EPHA5: variants seen among roughly 807,000 people sequenced by gnomAD.
The protein encoded by EPHA5 is ephrin type-A receptor 5.
In EPHA5, 60 loss-of-function variants were observed where a neutral mutation model predicts 105.0. The observed-to-expected ratio is 0.57, with a 90% CI of 0.46 to 0.71. The LOEUF is 0.71. Among genes scored for constraint, EPHA5 ranks in the 30% least tolerant of loss-of-function variants. EPHA5 has a pLI of 0.00. For synonymous variants in EPHA5, 513 were observed against 449.1 expected, an observed-to-expected ratio of 1.14 and a Z score of -1.80; for missense variants, 1,218 against 1,274.7, an observed-to-expected ratio of 0.96 and a Z score of 0.68.
intron 5 of EPHA5, among the ~76,000 whole-genome samples, chr4:65,465,507 G>GAAAC (rs1321742015): frequency 1.0e-5 from 1 of 98,506 alleles, no homozygotes; most frequent in African/African-American, 3.8e-5. Context: ...AAGAAAGAAA[G>GAAAC]AAAGAAAGAA....
At chr4:65,519,776 C>A (rs1438925290) in intron 3 of EPHA5, among the ~76,000 whole-genome samples, 4 of 151,840 alleles carry the variant, frequency 2.6e-5, no homozygotes, top group Admixed American at 2.0e-4. Context: ...GTCCATTCAC[C>A]ATTGCTTCAA....
chr4:65,488,329 A>T (rs1177697820), intron 5 of EPHA5, among the ~76,000 whole-genome samples: 1 of 152,240 alleles, frequency 6.6e-6, no homozygotes, highest in Non-Finnish European at 1.5e-5. Flanking sequence ...CAAGCTGGAA[A>T]ATGTACTTCT....
rs2148991299 is a variant in EPHA5 at position 65,404,454 on chromosome 4, G to T, written c.1713C>A (p.Ser571Arg). 1 of 1,613,686 alleles carries T rather than the reference G, an allele frequency of 6.2e-7. No individual in the cohort carries two copies. The highest frequency in any genetic ancestry group is 8.5e-7 in the Non-Finnish European group (1 of 1,179,744). The change falls in exon 8 of 17, where the codon AGC (serine) becomes AGA (arginine). Residue 571 changes from serine (S) to arginine (R), a missense_variant. Around this residue, in one of 3 missense-constraint regions of EPHA5, gnomAD observed 971 missense variants for 1,013.5 expected, o/e 0.96. Coordinates refer to ENST00000613740, the MANE Select transcript of EPHA5 (RefSeq NM_001281766.3). ...PVSVAASSDQ[S>R]QIPVIAVSVT... ...CAGACACAGCAATTACAGGAATCTG[G>T]CTTTGATCGCTGGATGCTGCAACTG... is the stretch of plus-strand genomic sequence containing the variant.
intron 2 of EPHA5, among the ~76,000 whole-genome samples, chr4:65,633,935 AAC>A (rs1463720608): frequency 1.3e-5 from 2 of 152,134 alleles, no homozygotes; most frequent in African/African-American, 4.8e-5. Context: ...AAGTGTGGAT[AAC>A]ACACCTGTAC....
intron 1 of EPHA5, among the ~76,000 whole-genome samples, chr4:65,647,931 A>G (rs1044378580): frequency 8.5e-5 from 13 of 152,194 alleles, no homozygotes; most frequent in African/African-American, 4.8e-5. Flanking sequence ...CTTTTTAATA[A>G]GGAAAAGTCA....
chr4:65,321,909 G>A lies in EPHA5; in HGVS notation c.*2205C>T, dbSNP rs4860650. ...AAGGCTTTCATTCTGAAGTTTCTCAGTTGTTACTTTATCACTTAGATTGGA... is the reference window on the plus strand; with the variant it reads ...AAGGCTTTCATTCTGAAGTTTCTCAATTGTTACTTTATCACTTAGATTGGA... On this transcript the variant is annotated 3_prime_UTR_variant, in exon 17 of 17. Transcript: ENST00000613740. The A allele has an allele frequency of 0.93, 210,173 of 225,130 alleles. 99,416 individuals are homozygous for A. The highest frequency in any genetic ancestry group is 1 in the Non-Finnish European group (112,405 of 112,924). 13.9% of individuals were successfully genotyped at this position (225,130 alleles called of 1,614,324 possible).
chr4:65,414,761 A>G (rs983958686), intron 6 of EPHA5, among the ~76,000 whole-genome samples: 12 of 150,136 alleles, frequency 8.0e-5, no homozygotes, highest in African/African-American at 2.9e-4. Context: ...CTATTTTAGT[A>G]TTGTTATTTT....
At chr4:65,335,869 A>T in intron 15 of EPHA5, 63 bp downstream of exon 15, 3 of 1,462,274 alleles carry the variant, frequency 2.1e-6, no homozygotes, top group Non-Finnish European at 1.9e-6. Context: ...AATTGATAAA[A>T]TATTTGTGAC....
intron 3 of EPHA5, among the ~76,000 whole-genome samples, chr4:65,578,248 G>A (rs1046257465): frequency 1.1e-4 from 17 of 151,974 alleles, no homozygotes; most frequent in East Asian, 3.9e-4. Flanking sequence ...GTCAGGGGGC[G>A]GGGCATACAT....
intron 1 of EPHA5, among the ~76,000 whole-genome samples, chr4:65,662,324 GT>G (rs1272528935): frequency 6.6e-6 from 1 of 152,012 alleles, no homozygotes; most frequent in African/African-American, 2.4e-5. Flanking sequence ...CAACCCTCAG[GT>G]TTTGGCTCTT....
At chr4:65,520,166 G>A (rs1160208994) in intron 3 of EPHA5, among the ~76,000 whole-genome samples, 1 of 152,068 alleles carries the variant, frequency 6.6e-6, no homozygotes, top group Non-Finnish European at 1.5e-5. Flanking sequence ...CATGGTACTG[G>A]TACCAACACA....
intron 3 of EPHA5, among the ~76,000 whole-genome samples, chr4:65,517,877 AT>A (rs1256486130): frequency 9.9e-5 from 15 of 152,012 alleles, no homozygotes; most frequent in Non-Finnish European, 1.8e-4. Flanking sequence ...ATTCTATATA[AT>A]TTATAAACAG....
At chr4:65,433,373 G>T (rs568192588) in intron 5 of EPHA5, among the ~76,000 whole-genome samples, 52 of 152,228 alleles carry the variant, frequency 3.4e-4, no homozygotes, top group Admixed American at 5.9e-4. Context: ...AAACAAAGTT[G>T]TAAGACCACA....
Position 65,470,947 on chromosome 4 carries a change from TC to T in EPHA5, c.1402+19429del, listed in dbSNP as rs1384173617. On this transcript the variant is annotated intron_variant, in intron 5 of 16. Transcript: ENST00000613740. ...ATAACAATATCTGAATTTTGGCAAA[TC>T]CCAGCAGCCATACACTGCTGTATTC... Among the ~76,000 whole-genome samples, 4 of 152,156 alleles carry T rather than the reference TC, an allele frequency of 2.6e-5. No individual in the cohort carries two copies. The East Asian group carries it at 7.7e-4, about 29-fold the overall frequency.
chr4:65,627,779 C>T (rs956652040), intron 2 of EPHA5, among the ~76,000 whole-genome samples: 1 of 152,060 alleles, frequency 6.6e-6, no homozygotes, highest in Non-Finnish European at 1.5e-5. Context: ...CCAACTAGGA[C>T]CACAGAAGTA....
chr4:65,639,405 G>A (rs542102809), intron 2 of EPHA5, among the ~76,000 whole-genome samples: 2 of 152,138 alleles, frequency 1.3e-5, no homozygotes, highest in African/African-American at 4.8e-5. Flanking sequence ...ATTTTGAAGA[G>A]GTCATCGCTT....
chr4:65,361,878 GATA>G (rs1717361752), intron 11 of EPHA5, among the ~76,000 whole-genome samples: 2 of 151,604 alleles, frequency 1.3e-5, no homozygotes, highest in South Asian at 4.2e-4. Context: ...GGTCAGTTTG[GATA>G]ATAATTTTCC....
intron 3 of EPHA5, among the ~76,000 whole-genome samples, chr4:65,515,888 A>G (rs1734061657): frequency 6.6e-6 from 1 of 152,116 alleles, no homozygotes; most frequent in South Asian, 2.1e-4. Flanking sequence ...AACAAAAAGG[A>G]GGAGAAAGGG....
intron 7 of EPHA5, among the ~76,000 whole-genome samples, chr4:65,410,527 A>G (rs1208608354): frequency 2.0e-5 from 3 of 152,200 alleles, no homozygotes; most frequent in South Asian, 4.1e-4. Context: ...ACAAACTTGT[A>G]CAAGTGACCA....
Sources: allele counts gnomAD v4.1 joint callset (sites outside exome capture counted in the v4.1 genomes callset), GRCh38; gene constraint gnomAD v4.1.1; regional missense constraint gnomAD v4.1.1; transcripts MANE v1.5; gene names NCBI Gene and HGNC (gene_info 2026-07-23, HGNC 2026-07-21).